IGSF22: variants seen among roughly 807,000 people sequenced by gnomAD.
IGSF22 encodes immunoglobulin superfamily member 22.
In IGSF22, 119 loss-of-function variants were observed where a neutral mutation model predicts 127.0. That is an observed-to-expected ratio of 0.94 (90% CI 0.81 to 1.09). The LOEUF is 1.09. Ranked by LOEUF, IGSF22 falls within the 50% of genes least tolerant of loss-of-function variation. IGSF22 has a pLI of 0.00. For synonymous variants in IGSF22, 568 were observed against 664.7 expected, an observed-to-expected ratio of 0.85 and a Z score of 2.24; for missense variants, 1,518 against 1,716.6, an observed-to-expected ratio of 0.88 and a Z score of 2.04.
intron 4 of IGSF22, 63 bp from the exon 5 acceptor site, chr11:18,720,348 G>A: frequency 7.5e-7 from 1 of 1,325,662 alleles, no homozygotes; most frequent in Non-Finnish European, 1.1e-6. Flanking sequence ...CTTTCTGTCA[G>A]ATAAGGTAGG....
chr11:18,710,660 A>ACCC lies in IGSF22; in HGVS notation c.2566_2567insGGG (p.Ile856delinsArgVal). On this transcript the variant is annotated protein_altering_variant, in exon 16 of 23. Coordinates refer to ENST00000513874, the MANE Select transcript of IGSF22 (RefSeq NM_173588.4). ...CTCTGTTCCAAGGACCTCACCCTGGATGGGGTCCTTGTTGACTGGCACCCA... is the reference window on the plus strand; with the variant it reads ...CTCTGTTCCAAGGACCTCACCCTGGACCCTGGGGTCCTTGTTGACTGGCACCCA... 1 of 1,611,844 alleles carries ACCC rather than the reference A, an allele frequency of 6.2e-7. No homozygotes were observed. Among genetic ancestry groups the ACCC allele is most frequent in the South Asian group, 1.1e-5 (1 of 91,038 alleles).
intron 10 of IGSF22, among the ~76,000 whole-genome samples, 176 bp from the exon 11 acceptor site, chr11:18,715,892 G>C (rs1234973106): frequency 3.9e-5 from 6 of 152,216 alleles, no homozygotes; most frequent in Non-Finnish European, 8.8e-5. Context: ...GAGAGTCTCA[G>C]CTCTGGCCCT....
chr11:18,718,569 G>C (rs1028838737), intron 8 of IGSF22, 46 bp downstream of exon 8: 26 of 1,019,392 alleles, frequency 2.6e-5, no homozygotes, highest in Admixed American at 5.1e-5. Flanking sequence ...AGGGGGTAGA[G>C]AGGAAGAGAT....
In IGSF22 at chr11:18,714,367, G is replaced by A. The variant is rs1168510872; in HGVS notation, c.1708C>T (p.Leu570Phe). The A allele has an allele frequency of 1.2e-6, 2 of 1,614,256 alleles. No individual in the cohort carries two copies. Among genetic ancestry groups the A allele is most frequent in the Non-Finnish European group, 1.7e-6 (2 of 1,180,052 alleles). ...QIVKQGAVHK[L>F]IFPSMGPEHE... ...TCAGGGCCCATACTGGGAAAGATGAGCTTGTGCACTGCACCCTGCTTCACA... is the reference window on the plus strand; with the variant it reads ...TCAGGGCCCATACTGGGAAAGATGAACTTGTGCACTGCACCCTGCTTCACA... The change falls in exon 13 of 23, where the codon CTC (leucine) becomes TTC (phenylalanine). Residue 570 changes from leucine (L) to phenylalanine (F), a missense_variant. Leu to Phe is a conservative substitution (Grantham distance 22). This residue lies in a region of IGSF22 where 1,456 missense variants were observed against 1,644.9 expected (regional missense o/e 0.89). Coordinates refer to ENST00000513874, the MANE Select transcript of IGSF22 (RefSeq NM_173588.4).
At position 18,714,387 on chromosome 11, in the gene IGSF22, T is replaced by G. The variant is rs116550307; in HGVS notation, c.1688A>C (p.Lys563Thr). ...GATGAGCTTGTGCACTGCACCCTGC[T>G]TCACAATCTGCATGCCTGGCAAGTC... ...ITDLPGMQIV[K>T]QGAVHKLIFP... Residue 563 changes from lysine (K) to threonine (T), a missense_variant, in exon 13 of 23, where the codon AAG (lysine) becomes ACG (threonine). By Grantham distance (78) the Lys-to-Thr change is moderately conservative. Transcript: ENST00000513874. The G allele has an allele frequency of 1.0e-3, 1,677 of 1,614,024 alleles. 14 individuals carry two copies. The African/African-American group carries it at 0.018, about 17-fold the overall frequency.
At chr11:18,715,302 G>T in intron 11 of IGSF22, 130 bp downstream of exon 11, 1 of 857,306 alleles carries the variant, frequency 1.2e-6, no homozygotes, top group Non-Finnish European at 1.9e-6. Context: ...TGATCAGAGT[G>T]GGGAGACACA....
chr11:18,724,623 G>A (rs1302825354), intron 1 of IGSF22, among the ~76,000 whole-genome samples: 1 of 152,208 alleles, frequency 6.6e-6, no homozygotes, highest in African/African-American at 2.4e-5. Flanking sequence ...AGGAGGGAAT[G>A]CAGTCAGACC....
chr11:18,724,075 G>T, intron 2 of IGSF22, 53 bp downstream of exon 2: 1 of 1,443,380 alleles, frequency 6.9e-7, no homozygotes, highest in Non-Finnish European at 9.7e-7. Context: ...GGATGGGTGT[G>T]GAGGAAGAAT....
chr11:18,714,499 C>T lies in IGSF22; in HGVS notation c.1656+1G>A. ...CCCCTTCCCTGGCCTCTGCTTCAGACCTCCTTGCCATCCTTCAGCCACACA... is the reference window on the plus strand; with the variant it reads ...CCCCTTCCCTGGCCTCTGCTTCAGATCTCCTTGCCATCCTTCAGCCACACA... On this transcript the variant is annotated splice_donor_variant, in intron 12 of 22. Coordinates refer to ENST00000513874, the MANE Select transcript of IGSF22 (RefSeq NM_173588.4). LOFTEE classifies it high-confidence loss of function. 1.2e-6 allele frequency: 2 copies of T among 1,614,184 alleles called. No individual in the cohort carries two copies. The highest frequency in any genetic ancestry group is 1.7e-6 in the Non-Finnish European group (2 of 1,180,014).
In IGSF22 at chr11:18,716,864, A is replaced by G. The variant is rs760129129; in HGVS notation, c.1110T>C (p.Asp370=). Residue 370 remains aspartate, a synonymous_variant, in exon 10 of 23, where the codon GAT becomes GAC. Coordinates refer to ENST00000513874, the MANE Select transcript of IGSF22 (RefSeq NM_173588.4). The surrounding 1 kb of genome is among the most constrained non-coding windows in gnomAD (Gnocchi z 4.5). ...WKFNGKELKR[D]DKYEITVSED... Reference sequence around the variant, plus strand: ...CGGACACCGTGATTTCATACTTGTCATCCCTCTTCAGCTCCTTCCCATTGA... The same window carrying G: ...CGGACACCGTGATTTCATACTTGTCGTCCCTCTTCAGCTCCTTCCCATTGA... 5.6e-6 allele frequency: 9 copies of G among 1,614,090 alleles called. No homozygotes were observed. Among genetic ancestry groups the G allele is most frequent in the Non-Finnish European group, 7.6e-6 (9 of 1,180,052 alleles).
Position 18,715,673 on chromosome 11 carries a change from C to T in IGSF22, c.1290G>A (p.Val430=). The T allele has an allele frequency of 6.2e-7, 1 of 1,613,552 alleles. No homozygotes were observed. Among genetic ancestry groups the T allele is most frequent in the African/African-American group, 1.3e-5 (1 of 75,036 alleles). Residue 430 remains valine (V), a synonymous_variant, in exon 11 of 23, where the codon GTG becomes GTA. Transcript: ENST00000513874. ...CCAGGCATGCGCGACTCCTCTCTTT[C>T]ACACGTACATTTTTGAGGTTGCTCA... ...KFVSNLKNVR[V]KERSRACLEC...
At chr11:18,704,823 A>G in intron 22 of IGSF22, 1 of 370,130 alleles carries the variant, frequency 2.7e-6, no homozygotes, top group South Asian at 2.8e-5. Flanking sequence ...ATGGCTGGTC[A>G]GTGGCAGAGC....
rs752180737 is a variant in IGSF22 at position 18,718,697 on chromosome 11, T to A, written c.728A>T (p.Lys243Ile). ...CACTGTGGTGTCAACCTTGGTCTCTTTGTCTTCCAGGGGCTTCAGAATCCG... is the reference window on the plus strand; with the variant it reads ...CACTGTGGTGTCAACCTTGGTCTCTATGTCTTCCAGGGGCTTCAGAATCCG... ...AIRILKPLED[K>I]ETKVDTTVVF... The change falls in exon 8 of 23, where the codon AAA (lysine) becomes ATA (isoleucine). Residue 243 changes from lysine (K) to isoleucine (I), a missense_variant. Transcript: ENST00000513874. The A allele has an allele frequency of 3.7e-6, 6 of 1,612,974 alleles. No individual in the cohort carries two copies. Among genetic ancestry groups the A allele is most frequent in the Non-Finnish European group, 4.2e-6 (5 of 1,179,128 alleles).
intron 4 of IGSF22, among the ~76,000 whole-genome samples, chr11:18,721,073 C>G (rs1199124725): frequency 6.6e-6 from 1 of 152,184 alleles, no homozygotes; most frequent in East Asian, 1.9e-4. Context: ...CTGGTTAGAC[C>G]TAAGGATGGT....
In IGSF22 at chr11:18,709,172, C is replaced by T. The variant is rs535673547; in HGVS notation, c.2998+215G>A. 6.6e-6 allele frequency among the ~76,000 whole-genome samples: 1 copy of T among 150,606 alleles called. No individual in the cohort carries two copies. Among genetic ancestry groups the T allele is most frequent in the South Asian group, 2.1e-4 (1 of 4,718 alleles). ...GCAAGAAGAACCCATTGGGTGGTTA[C>T]ACCTTGACACACAGTAGATGCTATT... is the stretch of plus-strand genomic sequence containing the variant. On this transcript the variant is annotated intron_variant, in intron 18 of 22. Coordinates refer to ENST00000513874, the MANE Select transcript of IGSF22 (RefSeq NM_173588.4). This position sits in a 1 kb window ranked among gnomAD's most constrained non-coding sequence, Gnocchi z 4.8.
In IGSF22 at chr11:18,706,025, G is replaced by A; in HGVS notation, c.3702C>T (p.Cys1234=). The A allele has an allele frequency of 6.4e-7, 1 of 1,551,648 alleles. No individual in the cohort carries two copies. The highest frequency in any genetic ancestry group is 8.7e-7 in the Non-Finnish European group (1 of 1,146,976). The change falls in exon 22 of 23, where the codon TGC becomes TGT. Residue 1234 remains cysteine (C), a synonymous_variant. Coordinates refer to ENST00000513874, the MANE Select transcript of IGSF22 (RefSeq NM_173588.4). The part of the protein sequence containing the change: ...VLRGQDCTMT[C]AFLGNPRPTV... ...TGGGCCGCGGGTTCCCAAGGAAGGC[G>A]CAGGTCATGGTGCAGTCCTGGCCGC...
chr11:18,710,110 A>C (rs1848322971), intron 17 of IGSF22, among the ~76,000 whole-genome samples: 1 of 152,100 alleles, frequency 6.6e-6, no homozygotes, highest in African/African-American at 2.4e-5. Context: ...AAATTTAAAA[A>C]ACGTTTTTGC....
rs1292684379 is a variant in IGSF22 at position 18,705,719 on chromosome 11, TA to T, written c.3910+97del. ...TTGCACCACCTGTTGGCAGTCAGAT[TA>T]AAAAACGGTGCCAGCCAAATAGTTG... On this transcript the variant is annotated intron_variant, in intron 22 of 22. Transcript: ENST00000513874. The T allele has an allele frequency of 9.2e-6, 10 of 1,084,882 alleles. No homozygotes were observed. The East Asian group carries it at 1.3e-4, about 14-fold the overall frequency. The allele number at this position is 1,084,882 out of a possible 1,614,324, so 67.2% of individuals were successfully genotyped here. A position where few individuals can be genotyped will look rare whatever the true frequency, so the allele number is the denominator to read the frequency against.
At chr11:18,721,864 A>T in intron 3 of IGSF22, 46 bp downstream of exon 3, 1 of 1,607,984 alleles carries the variant, frequency 6.2e-7, no homozygotes, top group Non-Finnish European at 8.5e-7. Context: ...GCACTCGATT[A>T]GAAAGCGAAG....
Sources: gnomAD v4.1 joint callset for allele counts (sites outside exome capture counted in the v4.1 genomes callset) on GRCh38, gnomAD v4.1.1 for gene constraint, gnomAD v4.1.1 regional missense constraint, Gnocchi (gnomAD v3.1) non-coding constraint, MANE v1.5 for transcripts, NCBI Gene and HGNC (gene_info 2026-07-23, HGNC 2026-07-21) for gene names.